Variants in NT5M observed in about 807,000 individuals in gnomAD.
NT5M encodes 5',3'-nucleotidase, mitochondrial, also known as 5'(3')-deoxyribonucleotidase, mitochondrial.
In NT5M, 22 loss-of-function variants were observed where a neutral mutation model predicts 22.2. The ratio of observed to expected loss-of-function variants is 0.99; its 90% CI spans 0.71 to 1.41. The LOEUF (loss-of-function observed/expected upper bound fraction) is 1.41, where lower values mean the gene tolerates loss of function less well. NT5M is among the 40% of genes most tolerant of loss of function. The pLI is 0.00. For missense variants in NT5M, 322 were observed against 314.8 expected, an observed-to-expected ratio of 1.02 and a Z score of -0.17; for synonymous variants, 167 against 133.0, an observed-to-expected ratio of 1.26 and a Z score of -1.76.
At chr17:17,316,741 A>T (rs1362703660) in intron 2 of NT5M, among the ~76,000 whole-genome samples, 6 of 138,484 alleles carry the variant, frequency 4.3e-5, no homozygotes, top group African/African-American at 1.6e-4. Flanking sequence ...TTTGAGATGG[A>T]GTCTCGCTCT....
chr17:17,309,836 T>C (rs1038303754), intron 2 of NT5M, among the ~76,000 whole-genome samples: 2 of 151,466 alleles, frequency 1.3e-5, no homozygotes, highest in African/African-American at 4.8e-5. Flanking sequence ...TTTTTGTTTT[T>C]TTTTTTGAGA....
At chr17:17,329,304 G>C (rs1006865176) in intron 3 of NT5M, among the ~76,000 whole-genome samples, 2 of 152,144 alleles carry the variant, frequency 1.3e-5, no homozygotes, top group African/African-American at 4.8e-5. Flanking sequence ...TATTATCCCT[G>C]TTCTACAGAT....
In NT5M at chr17:17,318,753, C is replaced by T. The variant is rs1338177884; in HGVS notation, c.369-4432C>T. ...TGAGCCGAGATCACGCCATTGCACT[C>T]CAGCCTGGGCAACAAGAGCAGAACT... On this transcript the variant is annotated intron_variant, in intron 2 of 4. Transcript: ENST00000389022. Among the ~76,000 whole-genome samples, 3 of 139,922 alleles carry T rather than the reference C, an allele frequency of 2.1e-5. 1 individual carries two copies. The Admixed American group carries it at 2.3e-4, about 11-fold the overall frequency. The allele number at this position is 139,922 out of a possible 152,430, so 91.8% of individuals were successfully genotyped here. A position where few individuals can be genotyped will look rare whatever the true frequency, so the allele number is the denominator to read the frequency against.
intron 3 of NT5M, among the ~76,000 whole-genome samples, chr17:17,325,736 GC>G (rs751870265): frequency 3.3e-5 from 5 of 152,034 alleles, no homozygotes; most frequent in African/African-American, 4.8e-5. Flanking sequence ...CACCCACTGT[GC>G]CCCCCTCTCT....
At chr17:17,326,780 A>G (rs1311345885) in intron 3 of NT5M, among the ~76,000 whole-genome samples, 1 of 152,212 alleles carries the variant, frequency 6.6e-6, no homozygotes, top group East Asian at 1.9e-4. Flanking sequence ...TGTTGCCAGA[A>G]GAAGGGTCAC....
At chr17:17,322,544 CAG>C (rs1232466057) in intron 2 of NT5M, among the ~76,000 whole-genome samples, 4 of 152,166 alleles carry the variant, frequency 2.6e-5, no homozygotes, top group Non-Finnish European at 4.4e-5. Flanking sequence ...ACGCGTTTGC[CAG>C]AGAGAAAGCG....
intron 1 of NT5M, among the ~76,000 whole-genome samples, chr17:17,305,619 A>C (rs1387020034): frequency 1.3e-5 from 2 of 152,146 alleles, no homozygotes. Flanking sequence ...TCCATGTGAC[A>C]GGGTGGCTGT....
chr17:17,340,664 C>T (rs2049621614), intron 3 of NT5M, among the ~76,000 whole-genome samples: 1 of 151,902 alleles, frequency 6.6e-6, no homozygotes, highest in African/African-American at 2.4e-5. Flanking sequence ...GTAGCTGGGA[C>T]TACAGGTAGG....
At chr17:17,335,110 C>T (rs553303156) in intron 3 of NT5M, among the ~76,000 whole-genome samples, 3 of 150,576 alleles carry the variant, frequency 2.0e-5, no homozygotes, top group East Asian at 1.9e-4. Flanking sequence ...TTTTTTTTGG[C>T]ATAGAGACTA....
chr17:17,323,131 C>T (rs1354638857), intron 2 of NT5M, 54 bp from the exon 3 acceptor site: 15 of 1,478,528 alleles, frequency 1.0e-5, no homozygotes, highest in Middle Eastern at 1.7e-4. Context: ...GTGAAGGCCT[C>T]GGGGTGGTGA....
At chr17:17,318,044 T>C (rs1316626991) in intron 2 of NT5M, among the ~76,000 whole-genome samples, 3 of 150,300 alleles carry the variant, frequency 2.0e-5, no homozygotes, top group Non-Finnish European at 4.4e-5. Context: ...ATCCACGGAA[T>C]TGAAAACAGG....
chr17:17,303,594 C>G lies in NT5M; in HGVS notation c.44C>G (p.Ala15Gly). Residue 15 changes from alanine to glycine, a missense_variant, in exon 1 of 5, where the codon GCG (alanine) becomes GGG (glycine). Coordinates refer to ENST00000389022, the MANE Select transcript of NT5M (RefSeq NM_020201.4). ...TGGTGTGCGCGGCGGCTCTGCAGCGCGGCGGTTCCCGCGGGGCGGCGCGGG... is the reference window on the plus strand; with the variant it reads ...TGGTGTGCGCGGCGGCTCTGCAGCGGGGCGGTTCCCGCGGGGCGGCGCGGG... The part of the protein sequence containing the change: ...GGWCARRLCS[A>G]AVPAGRRGAA... 8.3e-7 allele frequency: 1 copy of G among 1,202,976 alleles called. No individual in the cohort carries two copies. The highest frequency in any genetic ancestry group is 1.0e-6 in the Non-Finnish European group (1 of 964,784). 74.5% of individuals were successfully genotyped at this position (1,202,976 alleles called of 1,614,324 possible).
intron 3 of NT5M, among the ~76,000 whole-genome samples, chr17:17,337,453 G>T (rs1303243053): frequency 6.6e-6 from 1 of 151,404 alleles, no homozygotes; most frequent in Non-Finnish European, 1.5e-5. Context: ...TCTCAGACTG[G>T]TGTACAAGTG....
chr17:17,338,712 A>T (rs2049574571), intron 3 of NT5M, among the ~76,000 whole-genome samples: 2 of 115,762 alleles, frequency 1.7e-5, no homozygotes, highest in Non-Finnish European at 3.6e-5. Flanking sequence ...ATTTCTGTGA[A>T]GAATGTCATT....
chr17:17,340,814 G>A (rs556985997), intron 3 of NT5M, among the ~76,000 whole-genome samples: 19 of 152,112 alleles, frequency 1.2e-4, no homozygotes, highest in East Asian at 5.8e-4. Flanking sequence ...GTGAGCCACC[G>A]CGCCCGGCCT....
In NT5M at chr17:17,346,903, G is replaced by A. The variant is rs1245793341; in HGVS notation, c.643G>A (p.Ala215Thr). Reference sequence around the variant, plus strand: ...CCCCCGCCGCAGGCTGCACTCGTGGGCGGACGACTGGAAGGCCATTCTGGA... The same window carrying A: ...CCCCCGCCGCAGGCTGCACTCGTGGACGGACGACTGGAAGGCCATTCTGGA... ...QPPRRRLHSW[A>T]DDWKAILDSK... The change falls in exon 5 of 5, where the codon GCG becomes ACG. Residue 215 changes from alanine to threonine, a missense_variant. Physicochemically the swap from Ala to Thr is moderately conservative, Grantham distance 58. Transcript: ENST00000389022. The A allele has an allele frequency of 6.2e-7, 1 of 1,611,234 alleles. No individual in the cohort carries two copies. The highest frequency in any genetic ancestry group is 2.2e-5 in the East Asian group (1 of 44,870).
At chr17:17,344,058 G>A (rs1197342986) in intron 3 of NT5M, among the ~76,000 whole-genome samples, 1 of 152,186 alleles carries the variant, frequency 6.6e-6, no homozygotes, top group East Asian at 1.9e-4. Flanking sequence ...GATGCCGAGA[G>A]CCCACCAGTG....
chr17:17,323,084 A>G, intron 2 of NT5M, 101 bp from the exon 3 acceptor site: 1 of 913,990 alleles, frequency 1.1e-6, no homozygotes. Flanking sequence ...AAGGGTTCAG[A>G]CTCAGAGGGT....
intron 3 of NT5M, among the ~76,000 whole-genome samples, chr17:17,326,287 G>A (rs149287433): frequency 1.3e-5 from 2 of 152,210 alleles, no homozygotes; most frequent in African/African-American, 2.4e-5. Context: ...CAGGTCTGAC[G>A]CTTGGCCAGC....
Sources: gnomAD v4.1 joint callset for allele counts (sites outside exome capture counted in the v4.1 genomes callset) on GRCh38, gnomAD v4.1.1 for gene constraint, MANE v1.5 for transcripts, NCBI Gene and HGNC (gene_info 2026-07-23, HGNC 2026-07-21) for gene names.